Variants in PCCA observed in about 807,000 individuals in gnomAD.
The protein encoded by PCCA is propionyl-CoA carboxylase alpha chain, mitochondrial.
Under a neutral mutation model 101.3 loss-of-function variants are expected in PCCA, and 74 were observed. The observed-to-expected ratio is 0.73, with a 90% confidence interval of 0.61 to 0.89. The LOEUF is 0.89. Among genes scored for constraint, PCCA ranks in the 40% least tolerant of loss-of-function variants. PCCA has a pLI of 0.00. For synonymous variants in PCCA, 294 were observed against 313.6 expected, an observed-to-expected ratio of 0.94 and a Z score of 0.66; for missense variants, 891 against 907.0, an observed-to-expected ratio of 0.98 and a Z score of 0.23.
intron 6 of PCCA, among the ~76,000 whole-genome samples, chr13:100,175,208 C>T (rs1403913916): frequency 1.3e-5 from 2 of 152,154 alleles, no homozygotes; most frequent in Non-Finnish European, 2.9e-5. Context: ...TTTTAGATCT[C>T]TGAGTCTAGA....
At chr13:100,469,825 C>T (rs1023365449) in intron 21 of PCCA, among the ~76,000 whole-genome samples, 1 of 151,964 alleles carries the variant, frequency 6.6e-6, no homozygotes, top group Non-Finnish European at 1.5e-5. Flanking sequence ...AGTTTGATGG[C>T]GTGTGAGTTT....
chr13:100,389,675 A>C (rs2076708885), intron 19 of PCCA, among the ~76,000 whole-genome samples: 1 of 152,238 alleles, frequency 6.6e-6, no homozygotes, highest in Non-Finnish European at 1.5e-5. Context: ...CAGAAAGAGA[A>C]CTAAGAAAGT....
At chr13:100,309,744 A>T in intron 15 of PCCA, 89 bp from the exon 16 acceptor site, 1 of 838,076 alleles carries the variant, frequency 1.2e-6, no homozygotes. Flanking sequence ...GAAATCTGTT[A>T]TGAAATATTT....
chr13:100,130,991 A>G (rs2050455103), intron 4 of PCCA, among the ~76,000 whole-genome samples: 1 of 152,240 alleles, frequency 6.6e-6, no homozygotes, highest in South Asian at 2.1e-4. Flanking sequence ...ATAACATAAA[A>G]GTTTACCATT....
At chr13:100,287,802 A>G (rs1038306245) in intron 12 of PCCA, among the ~76,000 whole-genome samples, 1 of 88,038 alleles carries the variant, frequency 1.1e-5, no homozygotes. Flanking sequence ...GATTTGTTTT[A>G]TATAAAGTTA....
chr13:100,447,066 T>G (rs1318755679), intron 20 of PCCA, among the ~76,000 whole-genome samples: 1 of 152,158 alleles, frequency 6.6e-6, no homozygotes. Flanking sequence ...ATCCTTACAT[T>G]TTTTCCTCAG....
chr13:100,406,229 G>A (rs1216157260), intron 19 of PCCA, among the ~76,000 whole-genome samples: 1 of 152,128 alleles, frequency 6.6e-6, no homozygotes, highest in African/African-American at 2.4e-5. Flanking sequence ...TTCTCCAATT[G>A]TGTCCTGTTG....
chr13:100,178,703 C>T (rs1268383500), intron 6 of PCCA, among the ~76,000 whole-genome samples: 1 of 151,892 alleles, frequency 6.6e-6, no homozygotes, highest in African/African-American at 2.4e-5. Flanking sequence ...TAATATTTTT[C>T]TTTCTTTGAT....
At chr13:100,527,420 C>T (rs1759619572) in intron 22 of PCCA, 10 of 550,092 alleles carry the variant, frequency 1.8e-5, no homozygotes, top group South Asian at 1.6e-5. Flanking sequence ...CAGGGTAGGC[C>T]CCGCCGCCAG....
chr13:100,385,483 AG>A (rs768219115), intron 19 of PCCA, among the ~76,000 whole-genome samples: 4 of 152,252 alleles, frequency 2.6e-5, no homozygotes, highest in Non-Finnish European at 5.9e-5. Context: ...TTTACAGCAA[AG>A]GACATGTGGC....
chr13:100,106,031 A>G (rs1187798180), intron 2 of PCCA, among the ~76,000 whole-genome samples: 2 of 152,058 alleles, frequency 1.3e-5, no homozygotes, highest in Non-Finnish European at 2.9e-5. Flanking sequence ...ACCTTTAAGG[A>G]TAATACTCGG....
intron 18 of PCCA, among the ~76,000 whole-genome samples, chr13:100,364,919 C>T (rs2075015439): frequency 6.6e-6 from 1 of 152,074 alleles, no homozygotes; most frequent in Non-Finnish European, 1.5e-5. Flanking sequence ...GGTGGTGGCG[C>T]ACACCTGTAA....
intron 6 of PCCA, 139 bp from the exon 7 acceptor site, chr13:100,209,193 G>T: frequency 5.7e-6 from 4 of 700,182 alleles, no homozygotes; most frequent in Non-Finnish European, 9.9e-6. Context: ...GTATTTTAAT[G>T]TGTTGGCTCA....
chr13:100,301,838 C>T (rs2066086360), intron 13 of PCCA, among the ~76,000 whole-genome samples: 2 of 152,144 alleles, frequency 1.3e-5, no homozygotes, highest in South Asian at 4.1e-4. Context: ...AGCTACCAAT[C>T]CTTTAAGAGG....
At chr13:100,480,796 AT>A in intron 21 of PCCA, among the ~76,000 whole-genome samples, 1 of 152,282 alleles carries the variant, frequency 6.6e-6, no homozygotes, top group South Asian at 2.1e-4. Context: ...CTTGGACACA[AT>A]GGGTTTTCTT....
At chr13:100,379,935 G>A (rs955887210) in intron 19 of PCCA, among the ~76,000 whole-genome samples, 2 of 152,014 alleles carry the variant, frequency 1.3e-5, no homozygotes, top group East Asian at 3.9e-4. Context: ...AATTCCTGCC[G>A]AAGTCCAAGC....
intron 12 of PCCA, among the ~76,000 whole-genome samples, chr13:100,297,896 C>T (rs961463398): frequency 6.6e-6 from 1 of 151,954 alleles, no homozygotes; most frequent in Non-Finnish European, 1.5e-5. Flanking sequence ...TGCAGTGTGG[C>T]ACTCCCTTGA....
At chr13:100,180,317 T>C (rs1393216612) in intron 6 of PCCA, among the ~76,000 whole-genome samples, 1 of 152,200 alleles carries the variant, frequency 6.6e-6, no homozygotes. Context: ...CCTTAATTTG[T>C]CCTGCTGTTC....
intron 16 of PCCA, among the ~76,000 whole-genome samples, chr13:100,317,836 C>T (rs1422788857): frequency 6.6e-6 from 1 of 152,134 alleles, no homozygotes; most frequent in Non-Finnish European, 1.5e-5. Flanking sequence ...GACCCACCCA[C>T]CTCGGTTTCC....
Sources: allele counts gnomAD v4.1 joint callset (sites outside exome capture counted in the v4.1 genomes callset), GRCh38; gene constraint gnomAD v4.1.1; transcripts MANE v1.5; gene names NCBI Gene and HGNC (gene_info 2026-07-23, HGNC 2026-07-21).